Variants in HLCS observed in about 807,000 individuals in gnomAD.
The protein encoded by HLCS is biotin--protein ligase.
Under a neutral mutation model 75.0 loss-of-function variants are expected in HLCS, and 53 were observed. The ratio of observed to expected loss-of-function variants is 0.71; its 90% CI spans 0.57 to 0.89. The LOEUF is 0.89. Among genes scored for constraint, HLCS ranks in the 40% least tolerant of loss-of-function variants. The pLI is 0.00. For missense variants in HLCS, 966 were observed against 1,074.0 expected (o/e 0.90, Z 1.41); for synonymous variants, 431 against 428.6 (o/e 1.01, Z -0.07).
chr21:36,831,539 C>T (rs998501250), intron 6 of HLCS, among the ~76,000 whole-genome samples: 16 of 152,022 alleles, frequency 1.1e-4, no homozygotes, highest in African/African-American at 3.9e-4. Context: ...AAACATTAGC[C>T]AGGTGTGGTG....
intron 6 of HLCS, among the ~76,000 whole-genome samples, chr21:36,888,448 AT>A (rs2064602637): frequency 0.012 from 327 of 26,268 alleles, 10 homozygotes; most frequent in Non-Finnish European, 0.016. Flanking sequence ...AAAAAAAAAT[AT>A]ATATATATAT....
intron 1 of HLCS, among the ~76,000 whole-genome samples, chr21:36,988,386 G>A (rs760896152): frequency 5.3e-5 from 8 of 152,114 alleles, no homozygotes; most frequent in Non-Finnish European, 8.8e-5. Context: ...TCAGTTCAGA[G>A]ACCTTCCTCA....
intron 6 of HLCS, among the ~76,000 whole-genome samples, chr21:36,862,537 T>C (rs1430249871): frequency 6.6e-6 from 1 of 152,242 alleles, no homozygotes; most frequent in African/African-American, 2.4e-5. Flanking sequence ...GCTACTGATG[T>C]TGGGCATCTT....
chr21:36,765,154 C>T lies in HLCS; in HGVS notation c.1979G>A (p.Trp660Ter), dbSNP rs925490676. The change falls in exon 8 of 11, where the codon TGG becomes TAG. Residue 660 changes from tryptophan (W) to a stop codon, truncating the protein, a stop_gained. Coordinates refer to ENST00000674895, the MANE Select transcript of HLCS (RefSeq NM_001352514.2). LOFTEE classifies it high-confidence loss of function. The stretch of plus-strand genomic sequence containing the variant: ...AAGAGCACATCCCACAGGGCTCAGC[C>T]ACACATTCCCTCCCCGTCCTGGAAC... ...TEGKGRGGNV[W>*]LSPVGCALST... The T allele has an allele frequency of 6.2e-7, 1 of 1,614,198 alleles. No individual in the cohort carries two copies. Among genetic ancestry groups the T allele is most frequent in the Admixed American group, 1.7e-5 (1 of 60,020 alleles).
At chr21:36,755,404 A>G (rs959004159) in intron 10 of HLCS, among the ~76,000 whole-genome samples, 26 of 152,230 alleles carry the variant, frequency 1.7e-4, no homozygotes, top group Non-Finnish European at 2.9e-4. Flanking sequence ...TCTAAAAAAA[A>G]AAAAAGTGAA....
chr21:36,810,626 T>C (rs1043553583), intron 6 of HLCS, among the ~76,000 whole-genome samples: 8 of 152,172 alleles, frequency 5.3e-5, no homozygotes, highest in Non-Finnish European at 1.2e-4. Context: ...AGTTATTTTC[T>C]GTATGTGGGG....
intron 2 of HLCS, among the ~76,000 whole-genome samples, chr21:36,955,835 G>A (rs777448143): frequency 1.3e-5 from 2 of 152,152 alleles, no homozygotes; most frequent in Non-Finnish European, 2.9e-5. Context: ...CTAGACAGGT[G>A]TACTGTTTTT....
chr21:36,754,144 TAAC>T lies in HLCS; in HGVS notation c.*99_*101del, dbSNP rs1342198537. ...GAAACACAGAAAAAGAACAAAGACTTAACAAATGAATTGGAGGAAAAGAAAATT... is the reference window on the plus strand; with the variant it reads ...GAAACACAGAAAAAGAACAAAGACTTAAATGAATTGGAGGAAAAGAAAATT... On this transcript the variant is annotated 3_prime_UTR_variant, in exon 11 of 11. Transcript: ENST00000674895. 1.7e-4 allele frequency: 207 copies of T among 1,201,108 alleles called. No individual in the cohort carries two copies. The highest frequency in any genetic ancestry group is 5.3e-4 in the Middle Eastern group (2 of 3,786). The allele number at this position is 1,201,108 out of a possible 1,614,324, so 74.4% of individuals were successfully genotyped here.
intron 10 of HLCS, among the ~76,000 whole-genome samples, chr21:36,754,966 GAA>G (rs1311899629): frequency 6.6e-6 from 1 of 152,162 alleles, no homozygotes; most frequent in African/African-American, 2.4e-5. Flanking sequence ...TAAATCTAAA[GAA>G]AAGCTGAAAG....
rs1365263905 is a variant in HLCS, at chr21:36,754,036, A to T, written c.*210T>A. Reference sequence around the variant, plus strand: ...CTGTGGGAGGGCTTTCCCTAAACTAAATTTTCTACTTCTTAACCATCTATC... The same window carrying T: ...CTGTGGGAGGGCTTTCCCTAAACTATATTTTCTACTTCTTAACCATCTATC... On this transcript the variant is annotated 3_prime_UTR_variant, in exon 11 of 11. Coordinates refer to ENST00000674895, the MANE Select transcript of HLCS (RefSeq NM_001352514.2). The T allele has an allele frequency of 4.8e-6, 3 of 620,520 alleles. No individual in the cohort carries two copies. The highest frequency in any genetic ancestry group is 8.4e-6 in the Non-Finnish European group (3 of 358,944). 38.4% of individuals were successfully genotyped at this position (620,520 alleles called of 1,614,324 possible).
intron 6 of HLCS, among the ~76,000 whole-genome samples, chr21:36,831,931 G>A (rs971790197): frequency 6.6e-6 from 1 of 152,002 alleles, no homozygotes. Context: ...TAATAGCATC[G>A]AGATCATTGA....
intron 6 of HLCS, among the ~76,000 whole-genome samples, chr21:36,777,708 G>A (rs76847137): frequency 6.6e-6 from 1 of 152,120 alleles, no homozygotes; most frequent in Non-Finnish European, 1.5e-5. Flanking sequence ...TAAGACTCAG[G>A]GGTGCATTTC....
chr21:36,978,540 G>T (rs1311730633), intron 1 of HLCS, among the ~76,000 whole-genome samples: 1 of 152,070 alleles, frequency 6.6e-6, no homozygotes, highest in Non-Finnish European at 1.5e-5. Context: ...CCCACAGTGT[G>T]GGAAGGAGGC....
chr21:36,804,928 T>C (rs2061319490), intron 6 of HLCS, among the ~76,000 whole-genome samples: 1 of 152,236 alleles, frequency 6.6e-6, no homozygotes. Flanking sequence ...TGACACAGGG[T>C]TTGACAGTTG....
chr21:36,854,743 T>C (rs866587408), intron 6 of HLCS, among the ~76,000 whole-genome samples: 23 of 152,210 alleles, frequency 1.5e-4, no homozygotes, highest in Admixed American at 1.4e-3. Flanking sequence ...TCACGATGTC[T>C]TGCAACACAC....
intron 6 of HLCS, among the ~76,000 whole-genome samples, chr21:36,873,396 G>A (rs559086554): frequency 2.6e-5 from 4 of 152,318 alleles, no homozygotes; most frequent in Admixed American, 6.5e-5. Context: ...GATCACAAGC[G>A]TGAGCCACCA....
chr21:36,981,990 C>A (rs528428811), intron 1 of HLCS, among the ~76,000 whole-genome samples: 23 of 152,210 alleles, frequency 1.5e-4, no homozygotes, highest in Admixed American at 5.9e-4. Flanking sequence ...AATAGCCCTA[C>A]CACAAAGAAA....
At chr21:36,765,343 G>A (rs888440443) in intron 7 of HLCS, among the ~76,000 whole-genome samples, 171 bp from the exon 8 acceptor site, 2 of 152,112 alleles carry the variant, frequency 1.3e-5, no homozygotes, top group African/African-American at 4.8e-5. Context: ...TTTAAAATCT[G>A]AAGCTCTGTT....
At position 36,939,002 on chromosome 21, in the gene HLCS, A is replaced by G; in HGVS notation, c.331-8T>C. 1 of 1,601,668 alleles carries G rather than the reference A, an allele frequency of 6.2e-7. No individual in the cohort carries two copies. Among genetic ancestry groups the G allele is most frequent in the Non-Finnish European group, 8.5e-7 (1 of 1,177,898 alleles). On this transcript the variant is annotated splice_polypyrimidine_tract_variant and splice_region_variant and intron_variant, in intron 2 of 10. Transcript: ENST00000674895. Reference sequence around the variant, plus strand: ...GTCTGACCACTTGACAATCTGAGAAAAAGCAGGAGAGGGAGGAGGTGGGAA... The same window carrying G: ...GTCTGACCACTTGACAATCTGAGAAGAAGCAGGAGAGGGAGGAGGTGGGAA...
Sources: gnomAD v4.1 joint callset for allele counts (sites outside exome capture counted in the v4.1 genomes callset) on GRCh38, gnomAD v4.1.1 for gene constraint, MANE v1.5 for transcripts, NCBI Gene and HGNC (gene_info 2026-07-23, HGNC 2026-07-21) for gene names.